Variants in ZNF385D observed in about 807,000 individuals in gnomAD.
The protein encoded by ZNF385D is zinc finger protein 659.
In ZNF385D, 15 loss-of-function variants were observed where a neutral mutation model predicts 35.8. The observed-to-expected ratio is 0.42, with a 90% CI of 0.28 to 0.64. The LOEUF (loss-of-function observed/expected upper bound fraction) is 0.64. ZNF385D is among the 30% of genes least tolerant of loss of function. ZNF385D has a pLI of 0.23. For missense variants in ZNF385D, 474 were observed against 494.6 expected, an observed-to-expected ratio of 0.96 and a Z score of 0.39; for synonymous variants, 212 against 186.8, an observed-to-expected ratio of 1.13 and a Z score of -1.10.
At chr3:21,578,230 C>G (rs1346710066) in intron 2 of ZNF385D, among the ~76,000 whole-genome samples, 1 of 151,824 alleles carries the variant, frequency 6.6e-6, no homozygotes, top group Admixed American at 6.6e-5. Context: ...GATATTAATC[C>G]CTTGTTGAAT....
intron 2 of ZNF385D, among the ~76,000 whole-genome samples, chr3:22,184,912 A>G (rs1475393224): frequency 6.6e-6 from 1 of 152,166 alleles, no homozygotes; most frequent in Non-Finnish European, 1.5e-5. Flanking sequence ...TAAAATTTGT[A>G]GTGATGTCAC....
At chr3:21,668,597 T>A (rs1272622215) in intron 1 of ZNF385D, among the ~76,000 whole-genome samples, 1 of 152,190 alleles carries the variant, frequency 6.6e-6, no homozygotes, top group Non-Finnish European at 1.5e-5. Context: ...TCCAAACCTA[T>A]AGCACTGATA....
At chr3:21,624,820 T>C (rs997545080) in intron 2 of ZNF385D, among the ~76,000 whole-genome samples, 4 of 151,992 alleles carry the variant, frequency 2.6e-5, no homozygotes, top group Non-Finnish European at 4.4e-5. Context: ...AGCTGCCAAA[T>C]GTTTTCCTGT....
chr3:22,142,810 C>G (rs531376169), intron 3 of ZNF385D, among the ~76,000 whole-genome samples: 113 of 152,164 alleles, frequency 7.4e-4, no homozygotes, highest in Middle Eastern at 6.8e-3. Flanking sequence ...AAGGACACAG[C>G]TTCTCTCAAA....
chr3:22,080,893 C>T (rs1480299921), intron 3 of ZNF385D, among the ~76,000 whole-genome samples: 1 of 152,096 alleles, frequency 6.6e-6, no homozygotes, highest in Non-Finnish European at 1.5e-5. Context: ...GAAACAGACA[C>T]TCACCAGACA....
intron 3 of ZNF385D, among the ~76,000 whole-genome samples, chr3:21,546,554 C>T (rs953363452): frequency 1.3e-5 from 2 of 151,860 alleles, no homozygotes; most frequent in Non-Finnish European, 2.9e-5. Flanking sequence ...TCCATGCAAC[C>T]CCCCTGAGAC....
chr3:22,061,337 T>C (rs1437101679), intron 3 of ZNF385D, among the ~76,000 whole-genome samples: 1 of 152,122 alleles, frequency 6.6e-6, no homozygotes, highest in Non-Finnish European at 1.5e-5. Context: ...TCCAAATGTA[T>C]TTTAGTCCCC....
intron 5 of ZNF385D, among the ~76,000 whole-genome samples, chr3:21,429,184 G>T (rs1378975588): frequency 6.6e-6 from 1 of 151,298 alleles, no homozygotes; most frequent in African/African-American, 2.4e-5. Flanking sequence ...AATTTATTAG[G>T]TCACAAGATA....
At chr3:22,272,603 G>A (rs1284055770) in intron 2 of ZNF385D, among the ~76,000 whole-genome samples, 2 of 151,902 alleles carry the variant, frequency 1.3e-5, no homozygotes, top group African/African-American at 2.4e-5. Flanking sequence ...GCATTGTGAA[G>A]ACATTATGTA....
At chr3:21,636,734 G>A (rs903901476) in intron 2 of ZNF385D, among the ~76,000 whole-genome samples, 7 of 151,602 alleles carry the variant, frequency 4.6e-5, no homozygotes, top group Non-Finnish European at 7.4e-5. Flanking sequence ...CAACACCCTC[G>A]CAGACACACC....
At chr3:21,934,515 G>C (rs1701168527) in intron 3 of ZNF385D, among the ~76,000 whole-genome samples, 1 of 152,090 alleles carries the variant, frequency 6.6e-6, no homozygotes, top group East Asian at 1.9e-4. Context: ...TAAAGATCTT[G>C]GCTTTTTACC....
At chr3:22,232,164 T>C (rs992444739) in intron 2 of ZNF385D, among the ~76,000 whole-genome samples, 1 of 152,172 alleles carries the variant, frequency 6.6e-6, no homozygotes, top group Non-Finnish European at 1.5e-5. Flanking sequence ...CTTGCGCTCA[T>C]ATTGTAACTA....
At chr3:21,929,123 T>C (rs1042632041) in intron 3 of ZNF385D, among the ~76,000 whole-genome samples, 2 of 152,118 alleles carry the variant, frequency 1.3e-5, no homozygotes, top group African/African-American at 2.4e-5. Flanking sequence ...TAGGATTATA[T>C]ATCATAGCCA....
At chr3:21,945,319 T>C (rs1160762617) in intron 3 of ZNF385D, among the ~76,000 whole-genome samples, 1 of 152,132 alleles carries the variant, frequency 6.6e-6, no homozygotes, top group Non-Finnish European at 1.5e-5. Context: ...TATTGTCTGG[T>C]CTTCAGAAAA....
chr3:21,712,737 C>T (rs190314774), intron 1 of ZNF385D, among the ~76,000 whole-genome samples: 4 of 152,262 alleles, frequency 2.6e-5, no homozygotes, highest in African/African-American at 9.6e-5. Flanking sequence ...TGTCTGAATA[C>T]ATAAAACCTG....
chr3:21,891,007 C>A (rs1189404399), intron 3 of ZNF385D, among the ~76,000 whole-genome samples: 1 of 152,104 alleles, frequency 6.6e-6, no homozygotes, highest in Non-Finnish European at 1.5e-5. Context: ...CCACTTGGAA[C>A]TGGACTAATA....
chr3:21,988,786 T>C (rs1315105217), intron 3 of ZNF385D, among the ~76,000 whole-genome samples: 2 of 152,070 alleles, frequency 1.3e-5, no homozygotes, highest in African/African-American at 4.8e-5. Flanking sequence ...CGCTTTGCAG[T>C]TTGATCTCAG....
chr3:22,280,047 A>C (rs959486617), intron 2 of ZNF385D, among the ~76,000 whole-genome samples: 3 of 151,824 alleles, frequency 2.0e-5, no homozygotes, highest in South Asian at 4.2e-4. Context: ...GATGTTGAAC[A>C]TTTTTTCATG....
intron 2 of ZNF385D, among the ~76,000 whole-genome samples, chr3:22,343,515 T>A (rs9819716): frequency 0.29 from 44,450 of 152,112 alleles, 7,018 homozygotes; most frequent in African/African-American, 0.37. Context: ...TAGCAGCACT[T>A]GTCCAGTGGC....
Sources: allele counts gnomAD v4.1 joint callset (sites outside exome capture counted in the v4.1 genomes callset), GRCh38; gene constraint gnomAD v4.1.1; transcripts MANE v1.5; gene names NCBI Gene and HGNC (gene_info 2026-07-23, HGNC 2026-07-21).